The following MYO5B variants were observed in gnomAD, a reference collection of about 807,000 sequenced individuals.
The protein encoded by MYO5B is unconventional myosin-Vb.
In MYO5B, 143 loss-of-function variants were observed where a neutral mutation model predicts 229.3. The observed-to-expected ratio is 0.62, with a 90% CI of 0.54 to 0.72. MYO5B has a LOEUF of 0.72. MYO5B is among the 30% of genes least tolerant of loss of function. The pLI, the probability that MYO5B is intolerant of heterozygous loss-of-function variation, is 0.00. For synonymous variants in MYO5B, 918 were observed against 885.2 expected (o/e 1.04, Z -0.66); for missense variants, 2,321 against 2,331.0 (o/e 1.00, Z 0.09).
At chr18:49,902,287 G>A (rs1386810757) in intron 21 of MYO5B, among the ~76,000 whole-genome samples, 5 of 101,774 alleles carry the variant, frequency 4.9e-5, no homozygotes, top group South Asian at 3.1e-4. Context: ...CCTCTTAGGA[G>A]GACCCCTGTT....
chr18:49,866,437 A>C (rs997454679), intron 27 of MYO5B, among the ~76,000 whole-genome samples: 1 of 151,758 alleles, frequency 6.6e-6, no homozygotes, highest in Non-Finnish European at 1.5e-5. Context: ...AACCATCCCC[A>C]CCATCCATCT....
intron 1 of MYO5B, among the ~76,000 whole-genome samples, chr18:50,073,105 G>T (rs938738531): frequency 1.3e-5 from 2 of 152,148 alleles, no homozygotes; most frequent in African/African-American, 4.8e-5. Flanking sequence ...GTAGTTTAGC[G>T]ATCTGGATAA....
Position 50,174,713 on chromosome 18 carries a change from T to C in MYO5B, c.27+20054A>G, listed in dbSNP as rs547230701. ...CTCTCCTTTCCCACATGGCCAGAAT[T>C]AGGGGGTAGCAGTGGTGTGGTAATA... On this transcript the variant is annotated intron_variant, in intron 1 of 39. Transcript: ENST00000285039. Among the ~76,000 whole-genome samples the C allele has an allele frequency of 8.3e-4, 127 of 152,232 alleles. 2 individuals carry two copies. Among genetic ancestry groups the C allele is most frequent in the Non-Finnish European group, 3.8e-4 (26 of 68,018 alleles).
chr18:50,134,604 T>A (rs557347023), intron 1 of MYO5B, among the ~76,000 whole-genome samples: 12 of 145,990 alleles, frequency 8.2e-5, no homozygotes, highest in South Asian at 6.6e-4. Flanking sequence ...AAATAAATAA[T>A]AGCAGCCTCA....
At chr18:49,836,560 T>G (rs532528448) in intron 38 of MYO5B, 151 bp downstream of exon 38, 1 of 864,942 alleles carries the variant, frequency 1.2e-6, no homozygotes, top group African/African-American at 1.7e-5. Flanking sequence ...TCTAGGAATA[T>G]CCCATCAGCT....
chr18:50,083,182 G>A (rs2031258054), intron 1 of MYO5B, among the ~76,000 whole-genome samples: 1 of 152,194 alleles, frequency 6.6e-6, no homozygotes. Context: ...AAGGTATGGG[G>A]GAAGGCACAC....
intron 4 of MYO5B, among the ~76,000 whole-genome samples, chr18:50,021,038 G>C (rs554345097): frequency 1.3e-5 from 2 of 152,162 alleles, no homozygotes; most frequent in Non-Finnish European, 2.9e-5. Flanking sequence ...GGTACACTAA[G>C]AACATGGTGT....
At chr18:49,981,973 T>C (rs1430741642) in intron 8 of MYO5B, among the ~76,000 whole-genome samples, 1 of 152,174 alleles carries the variant, frequency 6.6e-6, no homozygotes, top group Non-Finnish European at 1.5e-5. Flanking sequence ...GCTTAGAGTA[T>C]CTTGCTCTTA....
chr18:50,020,758 G>A (rs1351783434), intron 4 of MYO5B, among the ~76,000 whole-genome samples: 1 of 152,226 alleles, frequency 6.6e-6, no homozygotes, highest in African/African-American at 2.4e-5. Flanking sequence ...CATTTGAGAG[G>A]TGTGGCATAG....
intron 12 of MYO5B, among the ~76,000 whole-genome samples, chr18:49,955,949 T>C (rs1038619629): frequency 6.6e-6 from 1 of 152,224 alleles, no homozygotes; most frequent in Non-Finnish European, 1.5e-5. Flanking sequence ...GAAGCCCACA[T>C]AGGCAAACAC....
At chr18:49,889,402 G>A (rs1308736951) in intron 22 of MYO5B, among the ~76,000 whole-genome samples, 1 of 152,172 alleles carries the variant, frequency 6.6e-6, no homozygotes, top group African/African-American at 2.4e-5. Context: ...GAAACCACAT[G>A]GTATGTACTT....
chr18:50,191,880 T>C (rs941518401), intron 1 of MYO5B, among the ~76,000 whole-genome samples: 1 of 152,198 alleles, frequency 6.6e-6, no homozygotes, highest in Non-Finnish European at 1.5e-5. Context: ...CAGGGCAACA[T>C]GAATTCTACT....
intron 1 of MYO5B, among the ~76,000 whole-genome samples, chr18:50,188,619 T>A (rs186051558): frequency 1.1e-3 from 172 of 151,910 alleles, no homozygotes; most frequent in Non-Finnish European, 2.1e-3. Flanking sequence ...AAACCCCGTC[T>A]CTACTAAAAA....
intron 10 of MYO5B, among the ~76,000 whole-genome samples, chr18:49,967,722 G>A (rs2025641630): frequency 6.6e-6 from 1 of 151,972 alleles, no homozygotes; most frequent in South Asian, 2.1e-4. Flanking sequence ...ATCTCACAAG[G>A]CCACCCTGGG....
intron 5 of MYO5B, among the ~76,000 whole-genome samples, chr18:49,994,510 G>T (rs1351690392): frequency 1.3e-5 from 2 of 152,238 alleles, no homozygotes; most frequent in African/African-American, 4.8e-5. Context: ...AACTCTGGAA[G>T]GAAGTGTAGG....
chr18:49,863,090 T>G (rs2024350493), intron 29 of MYO5B, 137 bp downstream of exon 29: 2 of 740,040 alleles, frequency 2.7e-6, no homozygotes, highest in Non-Finnish European at 4.8e-6. Flanking sequence ...TCTGAGTCAG[T>G]CTTTCTGTGT....
At chr18:49,939,002 C>T (rs1012793332) in intron 14 of MYO5B, among the ~76,000 whole-genome samples, 1 of 152,156 alleles carries the variant, frequency 6.6e-6, no homozygotes, top group Admixed American at 6.5e-5. Context: ...ACTTCCCTTC[C>T]TCCTGAGAAC....
In MYO5B at chr18:49,931,460, C is replaced by A. The variant is rs112204937; in HGVS notation, c.2004-1862G>T. ...ACGGCACTGAGCATGTGAGGCACAA[C>A]GGAACACTGATTTACACAGCTCTGA... On this transcript the variant is annotated intron_variant, in intron 16 of 39. Coordinates refer to ENST00000285039, the MANE Select transcript of MYO5B (RefSeq NM_001080467.3). Among the ~76,000 whole-genome samples the A allele has an allele frequency of 4.1e-3, 629 of 152,290 alleles. 4 individuals are homozygous for A. Among genetic ancestry groups the A allele is most frequent in the African/African-American group, 0.012 (504 of 41,566 alleles).
At chr18:49,997,447 G>C (rs184876115) in intron 5 of MYO5B, among the ~76,000 whole-genome samples, 316 of 123,336 alleles carry the variant, frequency 2.6e-3, no homozygotes, top group Admixed American at 4.3e-3. Context: ...GCATGATCTC[G>C]TCTCCTTTCT....
Sources: allele counts gnomAD v4.1 joint callset (sites outside exome capture counted in the v4.1 genomes callset), GRCh38; gene constraint gnomAD v4.1.1; transcripts MANE v1.5; gene names NCBI Gene and HGNC (gene_info 2026-07-23, HGNC 2026-07-21).